Variants in PHACTR3 observed in about 807,000 individuals in gnomAD.
The protein encoded by PHACTR3 is protein phosphatase 1, regulatory subunit 123.
A neutral mutation model predicts 66.8 loss-of-function variants in PHACTR3; 16 were observed. That is an observed-to-expected ratio of 0.24 (90% CI 0.16 to 0.36). PHACTR3 has a LOEUF of 0.36. Among genes scored for constraint, PHACTR3 ranks in the 10% least tolerant of loss-of-function variants. The pLI is 1.00. For synonymous variants in PHACTR3, 323 were observed against 292.1 expected (o/e 1.11, Z -1.08); for missense variants, 647 against 719.9 (o/e 0.90, Z 1.16).
chr20:59,681,776 C>T (rs1444128961), intron 1 of PHACTR3, among the ~76,000 whole-genome samples: 4 of 152,154 alleles, frequency 2.6e-5, no homozygotes, highest in African/African-American at 4.8e-5. Context: ...TTTGGGAGGC[C>T]GAGGTGGGTG....
chr20:59,695,956 C>T (rs774948828), intron 1 of PHACTR3, among the ~76,000 whole-genome samples: 5 of 152,142 alleles, frequency 3.3e-5, no homozygotes, highest in Non-Finnish European at 5.9e-5. Context: ...TGGTCTCAAA[C>T]TCCTGACCTC....
At chr20:59,815,810 G>A (rs1183562717) in intron 8 of PHACTR3, among the ~76,000 whole-genome samples, 5 of 152,056 alleles carry the variant, frequency 3.3e-5, no homozygotes, top group South Asian at 2.1e-4. Context: ...ATGGGTCTGC[G>A]AACTGGATGA....
At chr20:59,691,156 C>T (rs2037093789) in intron 1 of PHACTR3, among the ~76,000 whole-genome samples, 1 of 152,118 alleles carries the variant, frequency 6.6e-6, no homozygotes, top group Non-Finnish European at 1.5e-5. Flanking sequence ...GATCCCTGCC[C>T]GTGGAGGGGA....
At chr20:59,671,979 A>C (rs1568693989) in intron 1 of PHACTR3, among the ~76,000 whole-genome samples, 2 of 152,238 alleles carry the variant, frequency 1.3e-5, no homozygotes, top group Non-Finnish European at 2.9e-5. Context: ...ATCCTCCTTT[A>C]TTCTGAAATG....
At position 59,827,084 on chromosome 20, in the gene PHACTR3, G is replaced by C. The variant is rs186592071; in HGVS notation, c.1329-9421G>C. On this transcript the variant is annotated intron_variant, in intron 8 of 12. Transcript: ENST00000371015. ...GAGTCCCCAGATGGAAGGTGACCTG[G>C]ATGTCCCTTGGTGTCCATGTTGCTG... Among the ~76,000 whole-genome samples the C allele has an allele frequency of 1.7e-3, 252 of 152,060 alleles. 1 individual carries two copies. Among genetic ancestry groups the C allele is most frequent in the African/African-American group, 5.8e-3 (239 of 41,424 alleles).
At chr20:59,584,626 G>A (rs1475206722) in intron 1 of PHACTR3, among the ~76,000 whole-genome samples, 1 of 152,140 alleles carries the variant, frequency 6.6e-6, no homozygotes, top group African/African-American at 2.4e-5. Flanking sequence ...CCTCAGCACA[G>A]CCCTGCTCTG....
At chr20:59,696,990 C>T (rs1222508699) in intron 1 of PHACTR3, among the ~76,000 whole-genome samples, 1 of 152,138 alleles carries the variant, frequency 6.6e-6, no homozygotes, top group African/African-American at 2.4e-5. Flanking sequence ...GCAGAGGGTG[C>T]TGGGATTCAC....
At chr20:59,772,671 G>A (rs552887663) in intron 5 of PHACTR3, among the ~76,000 whole-genome samples, 33 of 152,222 alleles carry the variant, frequency 2.2e-4, no homozygotes, top group Admixed American at 6.5e-4. Context: ...AGGGAGCCGA[G>A]TGGGGCCACC....
intron 1 of PHACTR3, among the ~76,000 whole-genome samples, chr20:59,637,714 C>T (rs62203930): frequency 7.1e-6 from 1 of 141,402 alleles, no homozygotes; most frequent in Non-Finnish European, 1.5e-5. Context: ...AAAAAAAAAC[C>T]AACAAACAAT....
At chr20:59,707,876 A>T (rs73142840) in intron 1 of PHACTR3, among the ~76,000 whole-genome samples, 25,245 of 152,156 alleles carry the variant, frequency 0.17, 2,363 homozygotes, top group Admixed American at 0.22. Context: ...TATTTCTTGT[A>T]CAGTCTGCAG....
At chr20:59,625,078 C>A (rs1363266392) in intron 1 of PHACTR3, among the ~76,000 whole-genome samples, 5 of 152,070 alleles carry the variant, frequency 3.3e-5, no homozygotes, top group Non-Finnish European at 7.4e-5. Flanking sequence ...TGAGGAGCAC[C>A]TGTAGGGTGT....
intron 1 of PHACTR3, among the ~76,000 whole-genome samples, chr20:59,693,535 A>G (rs2037185193): frequency 6.6e-6 from 1 of 152,152 alleles, no homozygotes; most frequent in African/African-American, 2.4e-5. Context: ...TATAGACTCA[A>G]TAGACTCTTA....
chr20:59,669,546 GT>G (rs1293461860), intron 1 of PHACTR3, among the ~76,000 whole-genome samples: 1 of 152,184 alleles, frequency 6.6e-6, no homozygotes, highest in African/African-American at 2.4e-5. Context: ...TGTGAGCAGT[GT>G]TTTGCAACCA....
chr20:59,704,343 A>AT (rs1259331683), intron 1 of PHACTR3, among the ~76,000 whole-genome samples: 6 of 152,098 alleles, frequency 3.9e-5, no homozygotes, highest in Middle Eastern at 3.4e-3. Flanking sequence ...CAAATTTAGT[A>AT]TTTTTTTCTT....
intron 9 of PHACTR3, among the ~76,000 whole-genome samples, chr20:59,839,745 T>C (rs1342323844): frequency 1.3e-5 from 2 of 152,162 alleles, no homozygotes; most frequent in Non-Finnish European, 2.9e-5. Context: ...TGGGCTCCTT[T>C]AAAAGGCACT....
intron 1 of PHACTR3, among the ~76,000 whole-genome samples, chr20:59,683,170 G>A (rs531014909): frequency 6.6e-5 from 10 of 152,320 alleles, no homozygotes; most frequent in Middle Eastern, 6.8e-3. Context: ...AGGTTCTGTC[G>A]TGAGTAACAG....
chr20:59,625,052 G>A (rs2034394861), intron 1 of PHACTR3, among the ~76,000 whole-genome samples: 1 of 152,136 alleles, frequency 6.6e-6, no homozygotes, highest in Admixed American at 6.5e-5. Flanking sequence ...CTTGTTCTTA[G>A]TGACCTTAGC....
At chr20:59,672,883 G>C (rs546257024) in intron 1 of PHACTR3, among the ~76,000 whole-genome samples, 77 of 152,308 alleles carry the variant, frequency 5.1e-4, no homozygotes, top group African/African-American at 1.8e-3. Flanking sequence ...GGTGGGAAGA[G>C]CCTTGGGGGC....
At position 59,670,276 on chromosome 20, in the gene PHACTR3, G is replaced by A. The variant is rs1481507518; in HGVS notation, c.118+65144G>A. 2.6e-5 allele frequency among the ~76,000 whole-genome samples: 4 copies of A among 152,314 alleles called. No individual in the cohort carries two copies. The East Asian group carries it at 7.7e-4, about 29-fold the overall frequency. ...GGTGCTGTTTCAGATGTGGGCACTG[G>A]GAAGATGTCTCTCTGGGCAGGGCAA... On this transcript the variant is annotated intron_variant, in intron 1 of 12. Coordinates refer to ENST00000371015, the MANE Select transcript of PHACTR3 (RefSeq NM_080672.5).
Sources: gnomAD v4.1 joint callset for allele counts (sites outside exome capture counted in the v4.1 genomes callset) on GRCh38, gnomAD v4.1.1 for gene constraint, MANE v1.5 for transcripts, NCBI Gene and HGNC (gene_info 2026-07-23, HGNC 2026-07-21) for gene names.